Variants in SRGAP1 observed in about 807,000 individuals in gnomAD.
SRGAP1 encodes the protein SLIT-ROBO Rho GTPase-activating protein 1.
SRGAP1 carries 43 observed loss-of-function variants against 121.9 expected under a neutral mutation model. The ratio of observed to expected loss-of-function variants is 0.35; its 90% CI spans 0.28 to 0.46. The LOEUF is 0.46. Ranked by LOEUF, SRGAP1 falls within the 20% of genes least tolerant of loss-of-function variation. The pLI is 1.00. For missense variants in SRGAP1, 1,102 were observed against 1,350.9 expected, an observed-to-expected ratio of 0.82 and a Z score of 2.89; for synonymous variants, 447 against 485.4, an observed-to-expected ratio of 0.92 and a Z score of 1.04.
intron 6 of SRGAP1, among the ~76,000 whole-genome samples, chr12:64,057,039 G>A (rs908187472): frequency 1.3e-5 from 2 of 152,102 alleles, no homozygotes; most frequent in African/African-American, 4.8e-5. Context: ...AGAGATTTTA[G>A]CCTGGGAAAA....
intron 3 of SRGAP1, among the ~76,000 whole-genome samples, chr12:64,005,596 T>C (rs2034055056): frequency 6.6e-6 from 1 of 152,114 alleles, no homozygotes; most frequent in Non-Finnish European, 1.5e-5. Flanking sequence ...CAGTGAGCTA[T>C]GATTGCACCA....
At chr12:63,900,243 T>A (rs1900904875) in intron 1 of SRGAP1, among the ~76,000 whole-genome samples, 1 of 137,772 alleles carries the variant, frequency 7.3e-6, no homozygotes, top group Non-Finnish European at 1.5e-5. Context: ...CCTCGCTCTT[T>A]CACCCAGGCT....
At chr12:63,982,157 G>A (rs1365876741) in intron 1 of SRGAP1, among the ~76,000 whole-genome samples, 1 of 151,864 alleles carries the variant, frequency 6.6e-6, no homozygotes. Flanking sequence ...CTTGCAGTGA[G>A]CCGAGATCGC....
chr12:64,133,968 T>C (rs1377390785), intron 21 of SRGAP1, among the ~76,000 whole-genome samples: 2 of 152,200 alleles, frequency 1.3e-5, no homozygotes, highest in Admixed American at 6.5e-5. Context: ...CCTTTGATGA[T>C]TGAGTGTCGC....
At chr12:63,941,848 G>A (rs1004476014) in intron 1 of SRGAP1, among the ~76,000 whole-genome samples, 3 of 152,114 alleles carry the variant, frequency 2.0e-5, no homozygotes, top group African/African-American at 7.2e-5. Context: ...CCACCTGGCT[G>A]TGATATTTTT....
chr12:64,153,498 T>C lies in SRGAP1; in HGVS notation c.*10826T>C, dbSNP rs1324464160. On this transcript the variant is annotated 3_prime_UTR_variant, in exon 22 of 22. Transcript: ENST00000355086. The stretch of plus-strand genomic sequence containing the variant: ...AAAAAAAAAAAAAAAAGTAAGGTAC[T>C]TAGATGTCATTCTAAGTTCAAGGAA... 2.0e-5 allele frequency: 3 copies of C among 151,132 alleles called. No homozygotes were observed. Among genetic ancestry groups the C allele is most frequent in the African/African-American group, 7.3e-5 (3 of 41,022 alleles). 9.4% of individuals were successfully genotyped at this position (151,132 alleles called of 1,614,324 possible). A position where few individuals can be genotyped will look rare whatever the true frequency, so the allele number is the denominator to read the frequency against.
chr12:63,925,322 A>T (rs897341115), intron 1 of SRGAP1, among the ~76,000 whole-genome samples: 2 of 152,240 alleles, frequency 1.3e-5, no homozygotes, highest in Non-Finnish European at 2.9e-5. Context: ...CTAAGCTTTT[A>T]CACTTTCTGA....
At chr12:64,088,081 A>G (rs1052446290) in intron 11 of SRGAP1, among the ~76,000 whole-genome samples, 4 of 152,232 alleles carry the variant, frequency 2.6e-5, no homozygotes, top group Admixed American at 6.5e-5. Flanking sequence ...GAACACTGGT[A>G]TATCTGCTGC....
intron 4 of SRGAP1, among the ~76,000 whole-genome samples, chr12:64,025,408 A>G (rs1001373284): frequency 6.6e-6 from 1 of 152,122 alleles, no homozygotes; most frequent in African/African-American, 2.4e-5. Flanking sequence ...CTGAGCCTCA[A>G]AGAGGTTTTT....
intron 19 of SRGAP1, among the ~76,000 whole-genome samples, chr12:64,127,154 T>G (rs1303336752): frequency 6.6e-6 from 1 of 152,206 alleles, no homozygotes. Flanking sequence ...GTGCACTCTA[T>G]GATGTTCCCA....
chr12:64,086,919 C>T (rs77727566), intron 10 of SRGAP1, 80 bp from the exon 11 acceptor site: 349 of 1,015,850 alleles, frequency 3.4e-4, no homozygotes, highest in African/African-American at 2.5e-3. Flanking sequence ...TTTAAAATAC[C>T]GGATAGGAGA....
chr12:64,097,115 T>C (rs2036169988), intron 14 of SRGAP1, 126 bp from the exon 15 acceptor site: 1 of 977,478 alleles, frequency 1.0e-6, no homozygotes, highest in African/African-American at 1.7e-5. Flanking sequence ...TAGTACCATA[T>C]AATCTTTCAT....
At chr12:63,903,389 G>A (rs574123128) in intron 1 of SRGAP1, among the ~76,000 whole-genome samples, 11 of 151,990 alleles carry the variant, frequency 7.2e-5, no homozygotes, top group African/African-American at 2.7e-4. Flanking sequence ...TTGTAAATTT[G>A]TATTGTATTA....
chr12:63,978,670 G>A (rs143518051), intron 1 of SRGAP1, among the ~76,000 whole-genome samples: 3 of 123,124 alleles, frequency 2.4e-5, no homozygotes, highest in Admixed American at 8.2e-5. Flanking sequence ...ACACATTCAC[G>A]TGCAAGTTTT....
chr12:64,057,579 T>C (rs2035366960), intron 6 of SRGAP1, among the ~76,000 whole-genome samples: 2 of 152,168 alleles, frequency 1.3e-5, no homozygotes, highest in Admixed American at 1.3e-4. Flanking sequence ...TTTGCTTAGG[T>C]TGCACTATTT....
chr12:64,064,253 C>T (rs774264318), intron 7 of SRGAP1, among the ~76,000 whole-genome samples: 9 of 152,194 alleles, frequency 5.9e-5, no homozygotes, highest in East Asian at 1.9e-4. Flanking sequence ...GGTAATCTCT[C>T]TAATGTTTTG....
intron 19 of SRGAP1, among the ~76,000 whole-genome samples, chr12:64,126,847 A>G (rs1183407015): frequency 2.6e-5 from 4 of 152,342 alleles, no homozygotes; most frequent in African/African-American, 9.6e-5. Flanking sequence ...AAATATATTC[A>G]TATATAAAAT....
chr12:64,125,064 C>A (rs927413961), intron 18 of SRGAP1, among the ~76,000 whole-genome samples: 1 of 152,146 alleles, frequency 6.6e-6, no homozygotes, highest in Non-Finnish European at 1.5e-5. Context: ...ACAAACAGTT[C>A]CATTACAAGG....
intron 1 of SRGAP1, among the ~76,000 whole-genome samples, chr12:63,899,475 A>G (rs1462629339): frequency 6.6e-6 from 1 of 152,252 alleles, no homozygotes; most frequent in Non-Finnish European, 1.5e-5. Flanking sequence ...TCGTGCAGCT[A>G]CTGAACCAGA....
Sources: gnomAD v4.1 joint callset for allele counts (sites outside exome capture counted in the v4.1 genomes callset) on GRCh38, gnomAD v4.1.1 for gene constraint, MANE v1.5 for transcripts, NCBI Gene and HGNC (gene_info 2026-07-23, HGNC 2026-07-21) for gene names.